SLC25A48: variants seen among roughly 807,000 people sequenced by gnomAD.
The protein encoded by SLC25A48 is solute carrier family 25 member 48, also known as CTC-321K16.1.
Under a neutral mutation model 32.2 loss-of-function variants are expected in SLC25A48, and 29 were observed. That is an observed-to-expected ratio of 0.90 (90% CI 0.67 to 1.23). The LOEUF (loss-of-function observed/expected upper bound fraction) is 1.23. SLC25A48 is among the 50% of genes most tolerant of loss of function. The pLI is 0.00. For synonymous variants in SLC25A48, 164 were observed against 172.3 expected (o/e 0.95, Z 0.38); for missense variants, 399 against 422.7 (o/e 0.94, Z 0.49).
intron 3 of SLC25A48, among the ~76,000 whole-genome samples, chr5:135,700,315 T>C (rs1195800009): frequency 7.9e-6 from 1 of 125,934 alleles, no homozygotes. Context: ...GAGGTTGCAG[T>C]GAGCCGAGAT....
chr5:135,776,276 G>C lies in SLC25A48; in HGVS notation c.-520-36247G>C, dbSNP rs1028862641. The stretch of plus-strand genomic sequence containing the variant: ...ATTGTTCCTCATATCTGGGGGGTGG[G>C]GGGCAGAGAGAATAATATTACTTCC... On this transcript the variant is annotated intron_variant, in intron 3 of 10. Transcript: ENST00000646290. 1.5e-4 allele frequency among the ~76,000 whole-genome samples: 23 copies of C among 148,892 alleles called. 1 individual carries two copies. The highest frequency in any genetic ancestry group is 7.4e-4 in the Admixed American group (11 of 14,876).
intron 3 of SLC25A48, among the ~76,000 whole-genome samples, chr5:135,725,011 C>T (rs1288876227): frequency 2.0e-5 from 3 of 152,242 alleles, no homozygotes; most frequent in African/African-American, 7.2e-5. Flanking sequence ...AAGGGATTTC[C>T]TAAAAGGAAA....
intron 3 of SLC25A48, among the ~76,000 whole-genome samples, chr5:135,798,284 A>T (rs954552811): frequency 1.3e-5 from 2 of 151,728 alleles, no homozygotes; most frequent in African/African-American, 4.8e-5. Context: ...TCCAGGGGGA[A>T]AGAGGATGAT....
At chr5:135,877,309 C>T (rs17169271) in intron 6 of SLC25A48, among the ~76,000 whole-genome samples, 5,130 of 152,124 alleles carry the variant, frequency 0.034, 293 homozygotes, top group African/African-American at 0.12. Flanking sequence ...ATCTTGGCTC[C>T]AAGGAAGCAG....
chr5:135,644,259 A>C (rs1011298384), intron 3 of SLC25A48, among the ~76,000 whole-genome samples: 1 of 152,060 alleles, frequency 6.6e-6, no homozygotes, highest in African/African-American at 2.4e-5. Context: ...ATTTGGACTG[A>C]GAAGCCTAAT....
At chr5:135,771,240 A>G (rs2126609205) in intron 3 of SLC25A48, among the ~76,000 whole-genome samples, 1 of 151,478 alleles carries the variant, frequency 6.6e-6, no homozygotes, top group East Asian at 2.0e-4. Context: ...TACTCCCCAT[A>G]TCACGGGAAT....
chr5:135,861,486 A>G (rs907675898), intron 4 of SLC25A48, among the ~76,000 whole-genome samples: 14 of 152,252 alleles, frequency 9.2e-5, no homozygotes, highest in South Asian at 2.1e-4. Flanking sequence ...CAAAGCAGGC[A>G]TAACTATAGT....
chr5:135,842,076 T>C (rs1239668566), intron 1 of SLC25A48, among the ~76,000 whole-genome samples: 1 of 152,230 alleles, frequency 6.6e-6, no homozygotes, highest in Non-Finnish European at 1.5e-5. Context: ...AAGAATCTTA[T>C]AGTTTTGCTC....
chr5:135,637,162 C>T (rs1270898774), intron 3 of SLC25A48, among the ~76,000 whole-genome samples: 1 of 152,200 alleles, frequency 6.6e-6, no homozygotes, highest in Non-Finnish European at 1.5e-5. Context: ...GTGGTCAACA[C>T]AAATCACCAA....
intron 7 of SLC25A48, 54 bp downstream of exon 7, chr5:135,880,151 T>C: frequency 6.6e-7 from 1 of 1,504,628 alleles, no homozygotes; most frequent in Non-Finnish European, 8.8e-7. Flanking sequence ...TGAAACTTTT[T>C]TTTTTTTTTA....
chr5:135,870,761 T>C (rs74783455), intron 4 of SLC25A48, among the ~76,000 whole-genome samples: 2 of 152,226 alleles, frequency 1.3e-5, no homozygotes, highest in East Asian at 3.9e-4. Context: ...CTGAACACTG[T>C]ACATGTATTA....
intron 1 of SLC25A48, among the ~76,000 whole-genome samples, chr5:135,606,874 G>A (rs572042413): frequency 6.6e-6 from 1 of 152,312 alleles, no homozygotes; most frequent in South Asian, 2.1e-4. Flanking sequence ...TAGTTCAGAG[G>A]AGCAATAAAA....
intron 1 of SLC25A48, among the ~76,000 whole-genome samples, chr5:135,625,453 G>A (rs918603714): frequency 6.6e-6 from 1 of 152,106 alleles, no homozygotes; most frequent in Non-Finnish European, 1.5e-5. Context: ...TGTTTCTAGA[G>A]CTCTTGGTCA....
intron 3 of SLC25A48, among the ~76,000 whole-genome samples, chr5:135,678,827 G>A (rs1192123629): frequency 1.3e-5 from 2 of 152,174 alleles, no homozygotes; most frequent in African/African-American, 2.4e-5. Context: ...GATTTCCTCA[G>A]TAGCTTAGGG....
At chr5:135,809,643 C>T (rs1757549965) in intron 3 of SLC25A48, among the ~76,000 whole-genome samples, 1 of 152,190 alleles carries the variant, frequency 6.6e-6, no homozygotes, top group Admixed American at 6.5e-5. Flanking sequence ...CAACAACTCT[C>T]CCCCAACCTC....
chr5:135,596,778 C>T (rs1460764092), intron 1 of SLC25A48, among the ~76,000 whole-genome samples: 2 of 152,186 alleles, frequency 1.3e-5, no homozygotes, highest in African/African-American at 2.4e-5. Context: ...GATTGACCTT[C>T]CTGAGTGCTC....
chr5:135,652,936 G>A (rs1252507778), intron 3 of SLC25A48, among the ~76,000 whole-genome samples: 1 of 152,178 alleles, frequency 6.6e-6, no homozygotes, highest in East Asian at 1.9e-4. Flanking sequence ...AGGGCCTAAT[G>A]CAAGGTGTTT....
chr5:135,771,521 C>G (rs544212323), intron 3 of SLC25A48, among the ~76,000 whole-genome samples: 1 of 149,218 alleles, frequency 6.7e-6, no homozygotes, highest in Non-Finnish European at 1.5e-5. Context: ...AGTGGGGAGA[C>G]GGTGATATTA....
At chr5:135,734,063 C>T (rs75071297) in intron 3 of SLC25A48, among the ~76,000 whole-genome samples, 1,558 of 152,154 alleles carry the variant, frequency 0.01, 34 homozygotes, top group African/African-American at 0.035. Flanking sequence ...GTGTAACAGG[C>T]GAATGATAAC....
Sources: allele counts gnomAD v4.1 joint callset (sites outside exome capture counted in the v4.1 genomes callset), GRCh38; gene constraint gnomAD v4.1.1; transcripts MANE v1.5; gene names NCBI Gene and HGNC (gene_info 2026-07-23, HGNC 2026-07-21).